Variants in ADAMTS9 observed in about 807,000 individuals in gnomAD.
ADAMTS9 encodes the protein ADAM metallopeptidase with thrombospondin type 1 motif 9, also known as A disintegrin and metalloproteinase with thrombospondin motifs 9.
In ADAMTS9, 107 loss-of-function variants were observed where a neutral mutation model predicts 257.1. The ratio of observed to expected loss-of-function variants is 0.42; its 90% CI spans 0.36 to 0.49. The LOEUF is 0.49. Ranked by LOEUF, ADAMTS9 falls within the 20% of genes least tolerant of loss-of-function variation. ADAMTS9 has a pLI of 0.03. For synonymous variants in ADAMTS9, 982 were observed against 880.9 expected (o/e 1.11, Z -2.03); for missense variants, 2,353 against 2,469.1 (o/e 0.95, Z 1.00).
chr3:64,535,648 G>C (rs1298093509), intron 37 of ADAMTS9, among the ~76,000 whole-genome samples: 1 of 150,886 alleles, frequency 6.6e-6, no homozygotes, highest in Non-Finnish European at 1.5e-5. Flanking sequence ...CTGCCTCCCG[G>C]GTTCAAATGA....
chr3:64,593,804 A>T (rs1342125339), intron 28 of ADAMTS9, among the ~76,000 whole-genome samples: 1 of 152,190 alleles, frequency 6.6e-6, no homozygotes, highest in Non-Finnish European at 1.5e-5. Flanking sequence ...GCTGTACCCG[A>T]GTCACACAGG....
intron 3 of ADAMTS9, among the ~76,000 whole-genome samples, chr3:64,676,918 C>A (rs555081134): frequency 4.6e-4 from 70 of 152,312 alleles, no homozygotes; most frequent in African/African-American, 1.6e-3. Flanking sequence ...CAGGCCCAGG[C>A]AAACAAAACA....
intron 3 of ADAMTS9, among the ~76,000 whole-genome samples, chr3:64,662,681 G>C (rs763355374): frequency 6.6e-6 from 1 of 152,034 alleles, no homozygotes; most frequent in Admixed American, 6.6e-5. Context: ...TACCAGGAAA[G>C]TTAAAGAAGC....
intron 38 of ADAMTS9, among the ~76,000 whole-genome samples, chr3:64,525,561 G>A (rs2082899968): frequency 6.6e-6 from 1 of 152,000 alleles, no homozygotes; most frequent in African/African-American, 2.4e-5. Flanking sequence ...TTTTAAAAAA[G>A]GAAGATGAAT....
chr3:64,566,903 C>T (rs1434092872), intron 29 of ADAMTS9, among the ~76,000 whole-genome samples: 1 of 151,646 alleles, frequency 6.6e-6, no homozygotes, highest in South Asian at 2.1e-4. Flanking sequence ...ACAAGGATCA[C>T]TTAGAAAAAC....
chr3:64,657,114 T>A (rs1001234939), intron 4 of ADAMTS9, among the ~76,000 whole-genome samples: 1 of 152,054 alleles, frequency 6.6e-6, no homozygotes, highest in Non-Finnish European at 1.5e-5. Context: ...TGCGAACATG[T>A]TTGCATAAGA....
chr3:64,603,879 G>A (rs1211755485), intron 25 of ADAMTS9, 43 bp downstream of exon 25: 1 of 1,605,794 alleles, frequency 6.2e-7, no homozygotes, highest in South Asian at 1.1e-5. Context: ...AGCCCTCAAT[G>A]TTTCCCCCAT....
chr3:64,648,232 T>C (rs1700844700), intron 10 of ADAMTS9, among the ~76,000 whole-genome samples, 188 bp from the exon 11 acceptor site: 1 of 152,196 alleles, frequency 6.6e-6, no homozygotes, highest in Non-Finnish European at 1.5e-5. Flanking sequence ...CTATCCCTGG[T>C]AATGGATACC....
intron 22 of ADAMTS9, among the ~76,000 whole-genome samples, chr3:64,610,705 G>C (rs566600831): frequency 6.6e-6 from 1 of 152,230 alleles, no homozygotes; most frequent in South Asian, 2.1e-4. Flanking sequence ...GATGTGGAGA[G>C]AATGGAACCC....
chr3:64,520,069 T>C (rs1559743569), intron 39 of ADAMTS9, among the ~76,000 whole-genome samples: 1 of 152,192 alleles, frequency 6.6e-6, no homozygotes, highest in East Asian at 1.9e-4. Flanking sequence ...AAAAGATTCC[T>C]AGACCTGAAA....
rs549271779 is a variant in ADAMTS9, at chr3:64,539,349, A to G, written c.5522-55T>C. On this transcript the variant is annotated intron_variant, in intron 36 of 39. Coordinates refer to ENST00000498707, the MANE Select transcript of ADAMTS9 (RefSeq NM_182920.2). The stretch of plus-strand genomic sequence containing the variant: ...GGGAAGGTAAGAGTGGGAGAAAGGC[A>G]AGGAAGGAACAGGACATTAACAAGG... 15 of 1,452,966 alleles carry G rather than the reference A, an allele frequency of 1.0e-5. 1 individual carries two copies. The African/African-American group carries it at 1.8e-4, about 18-fold the overall frequency. 90.0% of individuals were successfully genotyped at this position (1,452,966 alleles called of 1,614,324 possible). A position where few individuals can be genotyped will look rare whatever the true frequency, so the allele number is the denominator to read the frequency against.
chr3:64,664,345 T>C (rs1035687184), intron 3 of ADAMTS9, among the ~76,000 whole-genome samples: 2 of 152,168 alleles, frequency 1.3e-5, no homozygotes, highest in Non-Finnish European at 2.9e-5. Context: ...AGGATATTCA[T>C]AGAGTTCCAC....
rs1252361810 is a variant in ADAMTS9 at position 64,603,937 on chromosome 3, G to C, written c.3732C>G (p.Ala1244=). 4 of 1,613,882 alleles carry C rather than the reference G, an allele frequency of 2.5e-6. No individual in the cohort carries two copies. The highest frequency in any genetic ancestry group is 2.2e-5 in the East Asian group (1 of 44,848). The change falls in exon 25 of 40, where the codon GCC becomes GCG. Residue 1244 remains alanine, a synonymous_variant. Coordinates refer to ENST00000498707, the MANE Select transcript of ADAMTS9 (RefSeq NM_182920.2). ...CSVTPCGQWK[A]LDWSSCSVTC... is the part of the protein sequence containing the mutation. ...ACTGGCTTACAGAGCTCCAGTCCAAGGCCTTCCATTGCCCACAGGGTGTCA... is the reference window on the plus strand; with the variant it reads ...ACTGGCTTACAGAGCTCCAGTCCAACGCCTTCCATTGCCCACAGGGTGTCA...
intron 12 of ADAMTS9, among the ~76,000 whole-genome samples, chr3:64,638,847 T>C (rs1700566308): frequency 6.6e-6 from 1 of 151,780 alleles, no homozygotes. Context: ...ATAAATACAC[T>C]CTTGAATCAG....
rs374739163 is a variant in ADAMTS9, at chr3:64,541,579, C to T, written c.5239G>A (p.Gly1747Ser). 1.9e-5 allele frequency: 30 copies of T among 1,614,002 alleles called. No homozygotes were observed. In the Admixed American group the frequency reaches 2.0e-4, roughly 11 times the overall value. ...QNCKEVKRLKGASEDGEYFLM... is the reference protein window; with the variant it reads ...QNCKEVKRLKSASEDGEYFLM... ...AAATATTCACCATCTTCACTGGCAC[C>T]TTTAAGTCTTTTTACCTCCTTGCAA... The change falls in exon 34 of 40, where the codon GGT becomes AGT. Residue 1747 changes from glycine (G) to serine (S), a missense_variant. By Grantham distance (56) the Gly-to-Ser change is moderately conservative. This residue lies in a region of ADAMTS9 where 1,402 missense variants were observed against 1,441.4 expected (regional missense o/e 0.97). Coordinates refer to ENST00000498707, the MANE Select transcript of ADAMTS9 (RefSeq NM_182920.2).
At chr3:64,631,419 A>G in intron 16 of ADAMTS9, 36 bp downstream of exon 16, 1 of 1,549,342 alleles carries the variant, frequency 6.5e-7, no homozygotes, top group Non-Finnish European at 8.9e-7. Flanking sequence ...GCTCCATAGA[A>G]CCAGAACTCG....
chr3:64,659,795 A>C (rs561046953), intron 3 of ADAMTS9, among the ~76,000 whole-genome samples: 138 of 152,240 alleles, frequency 9.1e-4, no homozygotes, highest in African/African-American at 3.2e-3. Context: ...TTTCCAGCTC[A>C]TGCCTAGGCC....
intron 38 of ADAMTS9, among the ~76,000 whole-genome samples, chr3:64,530,893 T>C (rs1288313136): frequency 1.3e-5 from 2 of 152,148 alleles, no homozygotes; most frequent in African/African-American, 4.8e-5. Context: ...CAAAACATCA[T>C]GTTGTACACG....
At chr3:64,544,948 A>T (rs1428533916) in intron 32 of ADAMTS9, among the ~76,000 whole-genome samples, 1 of 152,214 alleles carries the variant, frequency 6.6e-6, no homozygotes, top group Non-Finnish European at 1.5e-5. Flanking sequence ...CAAGTGGGCG[A>T]TGGATATGAA....
Sources: gnomAD v4.1 joint callset for allele counts (sites outside exome capture counted in the v4.1 genomes callset) on GRCh38, gnomAD v4.1.1 for gene constraint, gnomAD v4.1.1 regional missense constraint, MANE v1.5 for transcripts, NCBI Gene and HGNC (gene_info 2026-07-23, HGNC 2026-07-21) for gene names.